The following NTAQ1 variants were observed in gnomAD, a reference collection of about 807,000 sequenced individuals.
The protein encoded by NTAQ1 is N-terminal glutamine amidase 1.
In NTAQ1, 21 loss-of-function variants were observed where a neutral mutation model predicts 28.2. That is an observed-to-expected ratio of 0.74 (90% CI 0.53 to 1.07). The LOEUF (loss-of-function observed/expected upper bound fraction) is 1.07, where lower values mean the gene tolerates loss of function less well. NTAQ1 is among the 50% of genes least tolerant of loss of function. The pLI, the probability that NTAQ1 is intolerant of heterozygous loss-of-function variation, is 0.00. For missense variants in NTAQ1, 264 were observed against 256.6 expected (o/e 1.03, Z -0.20); for synonymous variants, 105 against 90.0 (o/e 1.17, Z -0.94).
rs139416705 is a variant in NTAQ1 at position 123,441,855 on chromosome 8, C to T, written c.*440C>T. The T allele has an allele frequency of 0.015, 2,477 of 162,800 alleles. 40 individuals are homozygous for T. The highest frequency in any genetic ancestry group is 0.029 in the Middle Eastern group (9 of 312). The allele number at this position is 162,800 out of a possible 1,614,324, so 10.1% of individuals were successfully genotyped here. On this transcript the variant is annotated 3_prime_UTR_variant, in exon 6 of 6. Coordinates refer to ENST00000287387, the MANE Select transcript of NTAQ1 (RefSeq NM_018024.3). Reference sequence around the variant, plus strand: ...GGTGCCCATAAAATGTTTTCTTGAACATTTGAATGTGCTGTTGTCTGGAAA... The same window carrying T: ...GGTGCCCATAAAATGTTTTCTTGAATATTTGAATGTGCTGTTGTCTGGAAA...
chr8:123,460,616 G>T (rs1815794631), intron 6 of NTAQ1, among the ~76,000 whole-genome samples: 1 of 152,200 alleles, frequency 6.6e-6, no homozygotes, highest in South Asian at 2.1e-4. Context: ...GCTGAATCTT[G>T]TAGGAAAAAA....
chr8:123,447,674 C>T (rs140047076), intron 6 of NTAQ1, among the ~76,000 whole-genome samples: 4 of 152,332 alleles, frequency 2.6e-5, no homozygotes, highest in South Asian at 2.1e-4. Flanking sequence ...CCTCCTTACT[C>T]GCTAAGGGTA....
At chr8:123,449,946 T>C (rs1223857486), downstream of NTAQ1, among the ~76,000 whole-genome samples, 1 of 23,792 alleles carries the variant, frequency 4.2e-5, no homozygotes, top group East Asian at 3.0e-3. Context: ...TGTGTGTGTG[T>C]GTGCATATAT....
chr8:123,471,359 G>A (rs777909556), downstream of NTAQ1, among the ~76,000 whole-genome samples: 4 of 152,176 alleles, frequency 2.6e-5, no homozygotes, highest in Non-Finnish European at 4.4e-5. Context: ...ACATTCTGTG[G>A]TACTGGGTAT....
chr8:123,452,925 A>G (rs746311604), downstream of NTAQ1, among the ~76,000 whole-genome samples: 1 of 152,104 alleles, frequency 6.6e-6, no homozygotes, highest in African/African-American at 2.4e-5. Context: ...CAAAAAACAA[A>G]ATTGCATCCA....
intron 1 of NTAQ1, among the ~76,000 whole-genome samples, chr8:123,426,354 G>T (rs1814052648): frequency 6.6e-6 from 1 of 152,174 alleles, no homozygotes; most frequent in African/African-American, 2.4e-5. Context: ...TTCAGTATGA[G>T]AAAGAACTTT....
At chr8:123,466,699 C>G (rs1269659010) in intron 6 of NTAQ1, among the ~76,000 whole-genome samples, 1 of 152,150 alleles carries the variant, frequency 6.6e-6, no homozygotes, top group Non-Finnish European at 1.5e-5. Flanking sequence ...GCAAATATCT[C>G]TTTGAGATCT....
chr8:123,449,911 A>ATG (rs68002945), downstream of NTAQ1, among the ~76,000 whole-genome samples: 19,779 of 85,490 alleles, frequency 0.23, 3,134 homozygotes, highest in Admixed American at 0.35. Flanking sequence ...ATATGTATAT[A>ATG]TGTGTGTGTA....
chr8:123,434,965 T>C (rs1270605401), intron 3 of NTAQ1, among the ~76,000 whole-genome samples: 1 of 152,210 alleles, frequency 6.6e-6, no homozygotes, highest in African/African-American at 2.4e-5. Context: ...CTCAGGCTTT[T>C]AAAGGCACAG....
exon 7 of NTAQ1, among the ~76,000 whole-genome samples, chr8:123,469,659 T>A (rs1300716311): frequency 6.6e-6 from 1 of 152,250 alleles, no homozygotes; most frequent in Non-Finnish European, 1.5e-5. Context: ...GAGACTTAGA[T>A]GGAGACCTAG....
intron 1 of NTAQ1, among the ~76,000 whole-genome samples, chr8:123,417,145 C>A (rs890257403): frequency 2.0e-5 from 3 of 152,224 alleles, no homozygotes; most frequent in Non-Finnish European, 4.4e-5. Flanking sequence ...CGTCCGGAAT[C>A]ATAGGGTCGA....
intron 6 of NTAQ1, among the ~76,000 whole-genome samples, chr8:123,461,807 G>A (rs1376921172): frequency 6.6e-6 from 1 of 152,142 alleles, no homozygotes; most frequent in African/African-American, 2.4e-5. Context: ...GAGGAGATGG[G>A]AGCATGAAAT....
At chr8:123,458,755 G>C (rs1379956943) in intron 6 of NTAQ1, among the ~76,000 whole-genome samples, 1 of 151,642 alleles carries the variant, frequency 6.6e-6, no homozygotes, top group Non-Finnish European at 1.5e-5. Context: ...CGAGTAGCTG[G>C]GACTACAGGC....
intron 3 of NTAQ1, among the ~76,000 whole-genome samples, chr8:123,430,978 C>T (rs1319764777): frequency 1.3e-5 from 2 of 152,080 alleles, no homozygotes; most frequent in Non-Finnish European, 2.9e-5. Context: ...AGTGGCAGAA[C>T]TGGGTCTCAC....
chr8:123,475,142 C>T, the NTAQ1 span, among the ~76,000 whole-genome samples: 3 of 152,006 alleles, frequency 2.0e-5, no homozygotes, highest in African/African-American at 4.8e-5. Flanking sequence ...GGGTTATAAT[C>T]GAACACTGTC....
At chr8:123,440,036 ACT>A (rs1165872967) in intron 5 of NTAQ1, among the ~76,000 whole-genome samples, 1 of 140,940 alleles carries the variant, frequency 7.1e-6, no homozygotes, top group African/African-American at 2.7e-5. Flanking sequence ...TATGGAATTG[ACT>A]CTTTTTTTTT....
At chr8:123,446,200 T>G (rs1815277807), downstream of NTAQ1, among the ~76,000 whole-genome samples, 1 of 151,772 alleles carries the variant, frequency 6.6e-6, no homozygotes, top group Admixed American at 6.6e-5. Context: ...GAGACAGAGG[T>G]TCACCATGTT....
chr8:123,457,413 T>C (rs899087931), intron 6 of NTAQ1, among the ~76,000 whole-genome samples: 3 of 152,130 alleles, frequency 2.0e-5, no homozygotes, highest in Admixed American at 1.3e-4. Flanking sequence ...TTCTTTTGTA[T>C]GTATTAGTTG....
chr8:123,459,787 A>C (rs1815764217), intron 6 of NTAQ1, among the ~76,000 whole-genome samples: 1 of 150,886 alleles, frequency 6.6e-6, no homozygotes, highest in Admixed American at 6.7e-5. Context: ...GGTGGAGACC[A>C]ATATACATCA....
Sources: gnomAD v4.1 joint callset for allele counts (sites outside exome capture counted in the v4.1 genomes callset) on GRCh38, gnomAD v4.1.1 for gene constraint, MANE v1.5 for transcripts, NCBI Gene and HGNC (gene_info 2026-07-23, HGNC 2026-07-21) for gene names.